The following LDB2 variants were observed in gnomAD, a reference collection of about 807,000 sequenced individuals.
The protein encoded by LDB2 is LIM domain binding 2.
A neutral mutation model predicts 44.3 loss-of-function variants in LDB2; 12 were observed. The ratio of observed to expected loss-of-function variants is 0.27; its 90% CI spans 0.17 to 0.44. The LOEUF is 0.44. Among genes scored for constraint, LDB2 ranks in the 20% least tolerant of loss-of-function variants. LDB2 has a pLI of 1.00. For synonymous variants in LDB2, 164 were observed against 174.8 expected (o/e 0.94, Z 0.49); for missense variants, 344 against 473.5 (o/e 0.73, Z 2.54).
At chr4:16,785,580 C>A (rs1246673323) in intron 1 of LDB2, among the ~76,000 whole-genome samples, 1 of 152,130 alleles carries the variant, frequency 6.6e-6, no homozygotes, top group Non-Finnish European at 1.5e-5. Flanking sequence ...GCAGAGAAAA[C>A]AATGTTCTGT....
At chr4:16,595,613 G>T in intron 3 of LDB2, 90 bp downstream of exon 3, 1 of 1,196,360 alleles carries the variant, frequency 8.4e-7, no homozygotes, top group Non-Finnish European at 1.2e-6. Context: ...TGAGCAATCG[G>T]CCCCAGGTTC....
intron 1 of LDB2, among the ~76,000 whole-genome samples, chr4:16,768,815 C>T (rs1029972887): frequency 1.3e-5 from 2 of 152,136 alleles, no homozygotes; most frequent in African/African-American, 4.8e-5. Context: ...TTATAAACCC[C>T]TTAAAACCTC....
At chr4:16,756,310 A>G (rs559287981) in intron 2 of LDB2, among the ~76,000 whole-genome samples, 1 of 152,062 alleles carries the variant, frequency 6.6e-6, no homozygotes, top group African/African-American at 2.4e-5. Flanking sequence ...ATTAGCTGGG[A>G]GTGGTGGCGG....
chr4:16,883,595 C>G (rs1182991377), intron 1 of LDB2, among the ~76,000 whole-genome samples: 1 of 152,178 alleles, frequency 6.6e-6, no homozygotes, highest in East Asian at 1.9e-4. Context: ...AACTGAGTGT[C>G]AGAGACTCAT....
At chr4:16,850,976 G>C (rs1238499979) in intron 1 of LDB2, among the ~76,000 whole-genome samples, 1 of 151,502 alleles carries the variant, frequency 6.6e-6, no homozygotes, top group Non-Finnish European at 1.5e-5. Flanking sequence ...GTGTGTGTGT[G>C]TATTGGGGAG....
intron 5 of LDB2, chr4:16,581,566 C>T: frequency 3.6e-6 from 1 of 274,744 alleles, no homozygotes; most frequent in Non-Finnish European, 5.6e-6. Flanking sequence ...CCCCAAGTCA[C>T]TAACACTCTC....
At chr4:16,795,471 C>T (rs1216956315) in intron 1 of LDB2, among the ~76,000 whole-genome samples, 4 of 152,096 alleles carry the variant, frequency 2.6e-5, no homozygotes, top group South Asian at 2.1e-4. Context: ...CCTAGTCCTG[C>T]TGGGCTTTAT....
At chr4:16,737,680 CAT>C (rs1439567190) in intron 2 of LDB2, among the ~76,000 whole-genome samples, 2 of 152,116 alleles carry the variant, frequency 1.3e-5, no homozygotes, top group African/African-American at 2.4e-5. Context: ...AAGATAAAGA[CAT>C]GTTGCACAGT....
intron 2 of LDB2, among the ~76,000 whole-genome samples, chr4:16,689,864 G>A (rs896114023): frequency 9.2e-5 from 14 of 152,192 alleles, no homozygotes; most frequent in East Asian, 1.9e-4. Context: ...GACATTGACC[G>A]TGTCTTAGAA....
intron 1 of LDB2, among the ~76,000 whole-genome samples, chr4:16,841,255 T>C (rs754895924): frequency 6.6e-6 from 1 of 152,176 alleles, no homozygotes; most frequent in African/African-American, 2.4e-5. Context: ...AGGAAAAGCA[T>C]AGGTAACATA....
chr4:16,562,231 A>C (rs1742637500), intron 5 of LDB2, among the ~76,000 whole-genome samples: 1 of 152,212 alleles, frequency 6.6e-6, no homozygotes, highest in South Asian at 2.1e-4. Flanking sequence ...GATCTAATTA[A>C]ACTAAAGGGC....
At chr4:16,570,106 T>C (rs951512794) in intron 5 of LDB2, among the ~76,000 whole-genome samples, 1 of 152,124 alleles carries the variant, frequency 6.6e-6, no homozygotes, top group Non-Finnish European at 1.5e-5. Flanking sequence ...ACCCTCTCTA[T>C]TCACTGCATA....
intron 1 of LDB2, chr4:16,888,732 T>A (rs1291108595): frequency 6.1e-6 from 6 of 984,082 alleles, no homozygotes; most frequent in Non-Finnish European, 6.0e-6. Flanking sequence ...GTCGTCATCA[T>A]CATCATAGTT....
intron 2 of LDB2, among the ~76,000 whole-genome samples, chr4:16,692,057 G>C (rs1159070053): frequency 6.6e-6 from 1 of 152,050 alleles, no homozygotes; most frequent in Non-Finnish European, 1.5e-5. Flanking sequence ...GAGAACCACA[G>C]TACAGTATTG....
At chr4:16,806,499 GCAAT>G (rs1778819151) in intron 1 of LDB2, among the ~76,000 whole-genome samples, 1 of 152,204 alleles carries the variant, frequency 6.6e-6, no homozygotes, top group South Asian at 2.1e-4. Context: ...GTGGACACTG[GCAAT>G]CAATGAAGCT....
At chr4:16,796,574 C>T (rs1424120634) in intron 1 of LDB2, among the ~76,000 whole-genome samples, 1 of 152,100 alleles carries the variant, frequency 6.6e-6, no homozygotes, top group Non-Finnish European at 1.5e-5. Context: ...TAGACACCCC[C>T]CTTGCAAGGA....
At chr4:16,567,502 C>T (rs927937332) in intron 5 of LDB2, among the ~76,000 whole-genome samples, 1 of 152,146 alleles carries the variant, frequency 6.6e-6, no homozygotes, top group Non-Finnish European at 1.5e-5. Context: ...TTAACTGCCT[C>T]TCTCTAGAGA....
At chr4:16,678,231 C>T (rs746746650) in intron 2 of LDB2, among the ~76,000 whole-genome samples, 3 of 152,208 alleles carry the variant, frequency 2.0e-5, no homozygotes, top group African/African-American at 4.8e-5. Flanking sequence ...TAGGACTTAC[C>T]TTCTTCACAG....
At chr4:16,512,829 C>G (rs1027148884) in intron 5 of LDB2, among the ~76,000 whole-genome samples, 1 of 152,096 alleles carries the variant, frequency 6.6e-6, no homozygotes, top group Non-Finnish European at 1.5e-5. Flanking sequence ...TTACTTTGGT[C>G]TAAGACATCT....
Sources: gnomAD v4.1 joint callset for allele counts (sites outside exome capture counted in the v4.1 genomes callset) on GRCh38, gnomAD v4.1.1 for gene constraint, MANE v1.5 for transcripts, NCBI Gene and HGNC (gene_info 2026-07-23, HGNC 2026-07-21) for gene names.